NEK5: variants seen among roughly 807,000 people sequenced by gnomAD.
The protein encoded by NEK5 is serine/threonine-protein kinase Nek5.
A neutral mutation model predicts 109.2 loss-of-function variants in NEK5; 88 were observed. That is an observed-to-expected ratio of 0.81 (90% CI 0.68 to 0.96). The LOEUF is 0.96. NEK5 is among the 40% of genes least tolerant of loss of function. NEK5 has a pLI of 0.00. For missense variants in NEK5, 834 were observed against 920.7 expected, an observed-to-expected ratio of 0.91 and a Z score of 1.22; for synonymous variants, 283 against 299.9, an observed-to-expected ratio of 0.94 and a Z score of 0.58.
chr13:52,038,667 G>A (rs566575159), intron 23 of NEK5, among the ~76,000 whole-genome samples: 10 of 151,712 alleles, frequency 6.6e-5, no homozygotes, highest in Non-Finnish European at 4.4e-5. Flanking sequence ...AAACTACTGT[G>A]TTCAAACAAT....
intron 14 of NEK5, among the ~76,000 whole-genome samples, 194 bp downstream of exon 14, chr13:52,089,053 T>C (rs1182560025): frequency 1.3e-5 from 2 of 151,734 alleles, no homozygotes; most frequent in Non-Finnish European, 2.9e-5. Flanking sequence ...ATCACACCAC[T>C]GCACTCCAGC....
Position 52,099,735 on chromosome 13 carries a change from T to G in NEK5, c.1026+8A>C. The G allele has an allele frequency of 6.2e-7, 1 of 1,611,442 alleles. No homozygotes were observed. The highest frequency in any genetic ancestry group is 8.5e-7 in the Non-Finnish European group (1 of 1,179,128). ...AAAAAACACAAAGGAGGGTTTAGAA[T>G]GACTTACAGATCTGGCCTTCTGGGC... On this transcript the variant is annotated splice_region_variant and intron_variant, in intron 12 of 23. Transcript: ENST00000684899.
intron 22 of NEK5, among the ~76,000 whole-genome samples, chr13:52,055,873 G>A (rs949291569): frequency 2.0e-5 from 3 of 151,836 alleles, no homozygotes; most frequent in Admixed American, 6.6e-5. Context: ...TCGAGACTAC[G>A]AAGAAACTGC....
At chr13:52,050,834 C>A (rs1204011708) in intron 22 of NEK5, among the ~76,000 whole-genome samples, 6 of 151,170 alleles carry the variant, frequency 4.0e-5, no homozygotes, top group Non-Finnish European at 8.8e-5. Flanking sequence ...ATTCTCCTGC[C>A]TAAGCCTCCT....
intron 11 of NEK5, 77 bp downstream of exon 11, chr13:52,101,856 T>G: frequency 1.7e-6 from 2 of 1,179,086 alleles, no homozygotes; most frequent in Non-Finnish European, 2.5e-6. Context: ...ATATGTTTGG[T>G]GAAATTTCCT....
intron 16 of NEK5, 40 bp from the exon 17 acceptor site, chr13:52,083,392 G>T: frequency 7.7e-7 from 1 of 1,303,262 alleles, no homozygotes; most frequent in Non-Finnish European, 1.1e-6. Flanking sequence ...GATTGGTTCT[G>T]AGTGAGCTCT....
In NEK5 at chr13:52,067,368, G is replaced by T. The variant is rs925230617; in HGVS notation, c.1850-1759C>A. Among the ~76,000 whole-genome samples, 9 of 152,312 alleles carry T rather than the reference G, an allele frequency of 5.9e-5. No individual in the cohort carries two copies. The South Asian group carries it at 1.9e-3, about 32-fold the overall frequency. On this transcript the variant is annotated intron_variant, in intron 20 of 23. Coordinates refer to ENST00000684899, the MANE Select transcript of NEK5 (RefSeq NM_001365552.1). ...CAGAATTCTTTCAAACAAAAGAACAGTCTGAAAAATCAAGCTGCAGACACA... is the reference window on the plus strand; with the variant it reads ...CAGAATTCTTTCAAACAAAAGAACATTCTGAAAAATCAAGCTGCAGACACA...
intron 22 of NEK5, among the ~76,000 whole-genome samples, chr13:52,054,809 C>A (rs898532400): frequency 1.1e-4 from 16 of 152,130 alleles, no homozygotes; most frequent in African/African-American, 3.1e-4. Flanking sequence ...ACATCACCAT[C>A]ATCAAAGACC....
chr13:52,084,345 G>A (rs766077845), intron 16 of NEK5, among the ~76,000 whole-genome samples: 1 of 151,922 alleles, frequency 6.6e-6, no homozygotes, highest in Non-Finnish European at 1.5e-5. Context: ...AGCCTCCTGA[G>A]TAGCTGGGAC....
At chr13:52,053,979 G>C (rs1954530620) in intron 22 of NEK5, among the ~76,000 whole-genome samples, 1 of 152,230 alleles carries the variant, frequency 6.6e-6, no homozygotes, top group Admixed American at 6.5e-5. Context: ...ATATGAAAGA[G>C]CTATAGTTAA....
intron 12 of NEK5, among the ~76,000 whole-genome samples, chr13:52,098,737 A>T (rs1739521751): frequency 6.6e-6 from 1 of 152,206 alleles, no homozygotes; most frequent in Non-Finnish European, 1.5e-5. Context: ...AATTAGAAGA[A>T]TTTCAGTTAT....
chr13:52,043,085 ATAT>A (rs1220523194), intron 23 of NEK5, among the ~76,000 whole-genome samples: 2 of 152,122 alleles, frequency 1.3e-5, no homozygotes, highest in African/African-American at 2.4e-5. Flanking sequence ...AGAAAAATAC[ATAT>A]TATAAAAGTA....
chr13:52,101,806 C>T, intron 11 of NEK5, 127 bp downstream of exon 11: 1 of 756,318 alleles, frequency 1.3e-6, no homozygotes, highest in Admixed American at 2.3e-5. Context: ...GATTTTTCTC[C>T]TGCTTATACT....
chr13:52,042,677 A>C (rs1197894598), intron 23 of NEK5, among the ~76,000 whole-genome samples: 1 of 152,046 alleles, frequency 6.6e-6, no homozygotes, highest in African/African-American at 2.4e-5. Context: ...GGTGATTAAA[A>C]TTGTGTTTTT....
chr13:52,094,303 A>G (rs1013355556), intron 12 of NEK5, among the ~76,000 whole-genome samples: 7 of 152,222 alleles, frequency 4.6e-5, no homozygotes, highest in Non-Finnish European at 1.0e-4. Context: ...TTTACAGTTT[A>G]CAGTTAATAA....
At chr13:52,049,275 T>C (rs1400286601) in intron 23 of NEK5, among the ~76,000 whole-genome samples, 1 of 151,948 alleles carries the variant, frequency 6.6e-6, no homozygotes, top group Non-Finnish European at 1.5e-5. Flanking sequence ...ATAAAAAAGA[T>C]TAGCTGGGCA....
intron 9 of NEK5, among the ~76,000 whole-genome samples, chr13:52,103,485 A>C (rs184925976): frequency 1.1e-3 from 164 of 152,302 alleles, no homozygotes; most frequent in African/African-American, 3.8e-3. Flanking sequence ...AACCCTTGAC[A>C]ATAATTAATA....
At chr13:52,067,300 GAGAA>G (rs1256954761) in intron 20 of NEK5, among the ~76,000 whole-genome samples, 1 of 152,066 alleles carries the variant, frequency 6.6e-6, no homozygotes, top group Non-Finnish European at 1.5e-5. Context: ...ATTGAGGGAG[GAGAA>G]AGAAAGAATC....
chr13:52,050,014 G>A, intron 23 of NEK5, 90 bp downstream of exon 23: 1 of 278,874 alleles, frequency 3.6e-6, no homozygotes, highest in South Asian at 1.4e-4. Flanking sequence ...TTTGTAGCCA[G>A]GTCTCAGTTG....
Sources: gnomAD v4.1 joint callset for allele counts (sites outside exome capture counted in the v4.1 genomes callset) on GRCh38, gnomAD v4.1.1 for gene constraint, MANE v1.5 for transcripts, NCBI Gene and HGNC (gene_info 2026-07-23, HGNC 2026-07-21) for gene names.